The following CADPS variants were observed in gnomAD, a reference collection of about 807,000 sequenced individuals.
CADPS encodes calcium dependent secretion activator, also known as calcium-dependent secretion activator 1.
A neutral mutation model predicts 167.3 loss-of-function variants in CADPS; 57 were observed. The ratio of observed to expected loss-of-function variants is 0.34; its 90% CI spans 0.28 to 0.42. The LOEUF (loss-of-function observed/expected upper bound fraction) is 0.42. Among genes scored for constraint, CADPS ranks in the 20% least tolerant of loss-of-function variants. The pLI, the probability that CADPS is intolerant of heterozygous loss-of-function variation, is 1.00. For missense variants in CADPS, 1,414 were observed against 1,738.1 expected, an observed-to-expected ratio of 0.81 and a Z score of 3.32; for synonymous variants, 676 against 635.3, an observed-to-expected ratio of 1.06 and a Z score of -0.96.
At chr3:62,491,562 C>CACAA in intron 20 of CADPS, 82 bp from the exon 21 acceptor site, 1 of 811,830 alleles carries the variant, frequency 1.2e-6, no homozygotes, top group Non-Finnish European at 1.9e-6. Context: ...CACACAAACA[C>CACAA]ACACACACAC....
chr3:62,737,457 G>C (rs2079219334), intron 3 of CADPS, among the ~76,000 whole-genome samples: 1 of 149,802 alleles, frequency 6.7e-6, no homozygotes, highest in Non-Finnish European at 1.5e-5. Flanking sequence ...AACAGAGTGA[G>C]ACCCTGTCTC....
At position 62,399,579 on chromosome 3, in the gene CADPS, A is replaced by T. The variant is rs1211434629; in HGVS notation, c.3889T>A (p.Tyr1297Asn). The change falls in exon 30 of 30, where the codon TAC becomes AAC. Residue 1297 changes from tyrosine to asparagine, a missense_variant. By Grantham distance (143) the Tyr-to-Asn change is moderately radical. This residue lies in a region of CADPS where 185 missense variants were observed against 251.5 expected (regional missense o/e 0.74). Transcript: ENST00000383710. The surrounding 1 kb of genome is among the most constrained non-coding windows in gnomAD (Gnocchi z 5.6). ...ACCCCTTGCAATCGGAAATCTCTGTAGGTTTTCTAAGGAAGGAAAAGATAC... is the reference window on the plus strand; with the variant it reads ...ACCCCTTGCAATCGGAAATCTCTGTTGGTTTTCTAAGGAAGGAAAAGATAC... ...KTLIRMVKKT[Y>N]RDFRLQGVLD... 3 of 1,613,390 alleles carry T rather than the reference A, an allele frequency of 1.9e-6. No individual in the cohort carries two copies. Among genetic ancestry groups the T allele is most frequent in the Non-Finnish European group, 2.5e-6 (3 of 1,179,598 alleles).
chr3:62,599,355 C>T (rs2059357032), intron 6 of CADPS, among the ~76,000 whole-genome samples: 1 of 150,268 alleles, frequency 6.7e-6, no homozygotes, highest in South Asian at 2.1e-4. Context: ...TTGCCAGGCC[C>T]TGGGCTTAGT....
chr3:62,532,633 T>G (rs2073933579), intron 13 of CADPS, among the ~76,000 whole-genome samples: 1 of 152,100 alleles, frequency 6.6e-6, no homozygotes. Flanking sequence ...TGAACCTAGA[T>G]TGGCCTAACT....
chr3:62,484,734 C>T (rs1576651921), intron 21 of CADPS, among the ~76,000 whole-genome samples: 1 of 152,140 alleles, frequency 6.6e-6, no homozygotes, highest in African/African-American at 2.4e-5. Flanking sequence ...GTCATTCCTG[C>T]TTCTAGAATT....
chr3:62,513,502 C>G, intron 16 of CADPS: 1 of 606,572 alleles, frequency 1.6e-6, no homozygotes. Context: ...CTGGGTTTCA[C>G]AGACAGAACC....
At chr3:62,756,903 G>C (rs1470479643) in intron 2 of CADPS, among the ~76,000 whole-genome samples, 4 of 152,052 alleles carry the variant, frequency 2.6e-5, no homozygotes, top group African/African-American at 9.7e-5. Context: ...TTGAGAAGGA[G>C]GAGGTATTCA....
chr3:62,425,916 T>A (rs11711186), intron 28 of CADPS, among the ~76,000 whole-genome samples: 53,646 of 151,434 alleles, frequency 0.35, 10,165 homozygotes, highest in Middle Eastern at 0.5. Context: ...AGCCCAGTCC[T>A]GCCTCCTGGG....
At chr3:62,640,032 T>G (rs545886278) in intron 6 of CADPS, among the ~76,000 whole-genome samples, 2 of 152,346 alleles carry the variant, frequency 1.3e-5, no homozygotes, top group South Asian at 4.1e-4. Flanking sequence ...CCTATGTCCC[T>G]TACTTGAATG....
At chr3:62,557,793 A>G (rs966393186) in intron 9 of CADPS, among the ~76,000 whole-genome samples, 1 of 152,176 alleles carries the variant, frequency 6.6e-6, no homozygotes, top group African/African-American at 2.4e-5. Flanking sequence ...TGTTCCTGGC[A>G]CTTAGTAAGT....
intron 12 of CADPS, 93 bp downstream of exon 12, chr3:62,536,351 AT>A (rs1477643777): frequency 2.7e-6 from 3 of 1,091,108 alleles, no homozygotes; most frequent in East Asian, 2.5e-5. Flanking sequence ...GGATTCTGTA[AT>A]GGAGAAAAGA....
At chr3:62,621,308 G>A (rs953612759) in intron 6 of CADPS, among the ~76,000 whole-genome samples, 1 of 151,968 alleles carries the variant, frequency 6.6e-6, no homozygotes, top group Non-Finnish European at 1.5e-5. Context: ...GCTGCTTGGA[G>A]GAAGTTGAGT....
intron 28 of CADPS, among the ~76,000 whole-genome samples, chr3:62,429,880 G>A (rs1208259129): frequency 6.6e-6 from 1 of 152,108 alleles, no homozygotes; most frequent in Admixed American, 6.6e-5. Context: ...ATGTCTTCTG[G>A]AACACAGAAA....
intron 6 of CADPS, among the ~76,000 whole-genome samples, chr3:62,595,466 T>A (rs955869479): frequency 6.6e-6 from 1 of 152,196 alleles, no homozygotes; most frequent in South Asian, 2.1e-4. Context: ...GGAATTAATG[T>A]CCCTGTCAAT....
At chr3:62,494,820 T>TGTTTGTTTGTTTTTGTA (rs1491303604) in intron 18 of CADPS, among the ~76,000 whole-genome samples, 6 of 151,612 alleles carry the variant, frequency 4.0e-5, no homozygotes, top group African/African-American at 1.5e-4. Context: ...TTTTTTTTGT[T>TGTTTGTTTGTTTTTGTA]GTTTGTTTGT....
At chr3:62,784,841 A>G (rs1464954109) in intron 1 of CADPS, among the ~76,000 whole-genome samples, 1 of 152,144 alleles carries the variant, frequency 6.6e-6, no homozygotes, top group African/African-American at 2.4e-5. Flanking sequence ...CAATGTATGC[A>G]GCTCATTTGG....
intron 6 of CADPS, among the ~76,000 whole-genome samples, chr3:62,623,909 C>G (rs970454679): frequency 2.4e-4 from 36 of 151,834 alleles, no homozygotes; most frequent in Non-Finnish European, 4.3e-4. Context: ...CTTCCACTCC[C>G]TGGGGACATT....
chr3:62,554,421 C>T (rs947109220), intron 10 of CADPS, among the ~76,000 whole-genome samples: 5 of 152,140 alleles, frequency 3.3e-5, no homozygotes, highest in Admixed American at 6.5e-5. Flanking sequence ...CCTTCTATGG[C>T]AGAGAGCAAC....
At chr3:62,590,266 C>T (rs1451894584) in intron 7 of CADPS, among the ~76,000 whole-genome samples, 1 of 151,992 alleles carries the variant, frequency 6.6e-6, no homozygotes, top group Non-Finnish European at 1.5e-5. Context: ...GGTTGAGCAT[C>T]CTGCGCTGGT....
Sources: allele counts gnomAD v4.1 joint callset (sites outside exome capture counted in the v4.1 genomes callset), GRCh38; gene constraint gnomAD v4.1.1; regional missense constraint gnomAD v4.1.1; non-coding constraint Gnocchi (gnomAD v3.1); transcripts MANE v1.5; gene names NCBI Gene and HGNC (gene_info 2026-07-23, HGNC 2026-07-21).